INSC: variants seen among roughly 807,000 people sequenced by gnomAD.
INSC encodes protein inscuteable homolog.
Under a neutral mutation model 58.6 loss-of-function variants are expected in INSC, and 67 were observed. The observed-to-expected ratio is 1.14, with a 90% CI of 0.94 to 1.40. INSC has a LOEUF of 1.40. Ranked by LOEUF, INSC falls within the 40% of genes most tolerant of loss-of-function variation. The probability of loss-of-function intolerance (pLI) is 0.00; values close to 1 mark genes in which losing one functional copy is unlikely to be tolerated. For missense variants in INSC, 714 were observed against 692.0 expected, an observed-to-expected ratio of 1.03 and a Z score of -0.36; for synonymous variants, 262 against 276.1, an observed-to-expected ratio of 0.95 and a Z score of 0.51.
intron 1 of INSC, among the ~76,000 whole-genome samples, chr11:15,135,195 G>A (rs1476756429): frequency 6.6e-6 from 1 of 152,160 alleles, no homozygotes; most frequent in Non-Finnish European, 1.5e-5. Flanking sequence ...TGTTTTTGGA[G>A]CATCATAGAA....
intron 2 of INSC, among the ~76,000 whole-genome samples, chr11:15,165,370 G>A (rs1445307240): frequency 6.6e-6 from 1 of 152,090 alleles, no homozygotes; most frequent in Non-Finnish European, 1.5e-5. Flanking sequence ...TATATTATGT[G>A]TATATACACA....
At chr11:15,191,385 G>A (rs2133862586) in intron 6 of INSC, among the ~76,000 whole-genome samples, 1 of 152,176 alleles carries the variant, frequency 6.6e-6, no homozygotes, top group South Asian at 2.1e-4. Flanking sequence ...ATGGGTATAT[G>A]TTATAAATAT....
the INSC span, among the ~76,000 whole-genome samples, chr11:15,265,828 CTTT>C: frequency 9.3e-5 from 12 of 128,666 alleles, no homozygotes; most frequent in Admixed American, 1.5e-4. Flanking sequence ...ATTGTTCTTG[CTTT>C]TTTTTTTTTT....
At chr11:15,261,404 C>T in the INSC span, among the ~76,000 whole-genome samples, 1 of 152,148 alleles carries the variant, frequency 6.6e-6, no homozygotes, top group Non-Finnish European at 1.5e-5. Context: ...TCTGTAATTG[C>T]TTAAATTCTA....
At chr11:15,247,757 T>TATATATATATATATATATATA (rs1248973797), downstream of INSC, among the ~76,000 whole-genome samples, 8 of 95,468 alleles carry the variant, frequency 8.4e-5, no homozygotes, top group Non-Finnish European at 1.7e-4. Context: ...ATATATATAT[T>TATATATATATATATATATATA]TCACTGAGTT....
chr11:15,251,719 A>G (rs1055708774), downstream of INSC, among the ~76,000 whole-genome samples: 30 of 152,140 alleles, frequency 2.0e-4, 1 homozygote, highest in Middle Eastern at 0.01. Flanking sequence ...TTCTGGTGGG[A>G]TGGTATGGTG....
rs780437030 is a variant in INSC at position 15,238,894 on chromosome 11, CA to C, written c.1238-23del. On this transcript the variant is annotated intron_variant, in intron 10 of 12. Coordinates refer to ENST00000379556, the MANE Select transcript of INSC (RefSeq NM_001042536.3). The stretch of plus-strand genomic sequence containing the variant: ...GAAGGCTCCATGCTGGGGTAGGTAC[CA>C]ACTGTTCCTTGCTTCCTGCCTAGGG... The C allele has an allele frequency of 3.1e-6, 5 of 1,608,740 alleles. No homozygotes were observed. The Admixed American group carries it at 8.4e-5, about 27-fold the overall frequency.
At chr11:15,260,174 G>T in the INSC span, among the ~76,000 whole-genome samples, 3 of 151,046 alleles carry the variant, frequency 2.0e-5, no homozygotes, top group Non-Finnish European at 2.9e-5. Flanking sequence ...TCTGTTTTTT[G>T]TTTTTTTTGT....
At chr11:15,239,654 G>A (rs1852268454) in intron 11 of INSC, among the ~76,000 whole-genome samples, 2 of 152,178 alleles carry the variant, frequency 1.3e-5, no homozygotes, top group Admixed American at 6.5e-5. Flanking sequence ...GCCTCATGGA[G>A]GTGACAGATA....
intron 1 of INSC, among the ~76,000 whole-genome samples, chr11:15,134,553 TC>T (rs1848198325): frequency 6.6e-6 from 1 of 152,222 alleles, no homozygotes; most frequent in Non-Finnish European, 1.5e-5. Flanking sequence ...CGAGTTTACT[TC>T]TTTGTCCAGA....
upstream of INSC, chr11:15,112,285 G>C: frequency 4.2e-6 from 2 of 481,780 alleles, no homozygotes; most frequent in Non-Finnish European, 7.3e-6. Context: ...AGGGGGTCGA[G>C]GGGGAGGAAG....
chr11:15,267,565 A>C, the INSC span, among the ~76,000 whole-genome samples: 2 of 151,976 alleles, frequency 1.3e-5, no homozygotes, highest in African/African-American at 4.8e-5. Context: ...TTTGTGGGCT[A>C]TATCTCTAGA....
At chr11:15,122,214 G>C (rs1324336631) in intron 1 of INSC, among the ~76,000 whole-genome samples, 1 of 152,210 alleles carries the variant, frequency 6.6e-6, no homozygotes, top group East Asian at 1.9e-4. Flanking sequence ...GTGATAGAGA[G>C]TAATGGGGTA....
chr11:15,146,923 C>T (rs4757294), intron 1 of INSC, among the ~76,000 whole-genome samples: 42,517 of 152,002 alleles, frequency 0.28, 6,731 homozygotes, highest in East Asian at 0.62. Context: ...CTATGGTATG[C>T]ATGCTTCACC....
chr11:15,262,984 A>T, the INSC span, among the ~76,000 whole-genome samples: 1 of 152,186 alleles, frequency 6.6e-6, no homozygotes, highest in South Asian at 2.1e-4. Context: ...GTGAATTCAC[A>T]ATATTTGCAA....
chr11:15,215,688 T>C (rs1472239800), intron 7 of INSC, among the ~76,000 whole-genome samples: 1 of 152,138 alleles, frequency 6.6e-6, no homozygotes, highest in Non-Finnish European at 1.5e-5. Flanking sequence ...GAAAATTTGG[T>C]ATAAGAACTG....
At chr11:15,118,789 ATAGT>A (rs1308960972) in intron 1 of INSC, among the ~76,000 whole-genome samples, 2 of 152,230 alleles carry the variant, frequency 1.3e-5, no homozygotes, top group African/African-American at 4.8e-5. Flanking sequence ...ATTGTGTGAG[ATAGT>A]TAGGACTTCT....
At chr11:15,175,298 A>C (rs367619486) in intron 2 of INSC, among the ~76,000 whole-genome samples, 66 of 152,332 alleles carry the variant, frequency 4.3e-4, no homozygotes, top group African/African-American at 1.5e-3. Context: ...CATTTTAAAT[A>C]ATTGCGTACT....
At chr11:15,177,554 C>A (rs934486098) in intron 4 of INSC, among the ~76,000 whole-genome samples, 2 of 152,170 alleles carry the variant, frequency 1.3e-5, no homozygotes, top group Non-Finnish European at 2.9e-5. Context: ...TGCCCACACT[C>A]ACTTTCTCAT....
Sources: gnomAD v4.1 joint callset for allele counts (sites outside exome capture counted in the v4.1 genomes callset) on GRCh38, gnomAD v4.1.1 for gene constraint, MANE v1.5 for transcripts, NCBI Gene and HGNC (gene_info 2026-07-23, HGNC 2026-07-21) for gene names.